The following AURKA variants were observed in gnomAD, a reference collection of about 807,000 sequenced individuals.
AURKA encodes aurora 2.
AURKA carries 12 observed loss-of-function variants against 40.9 expected under a neutral mutation model. The ratio of observed to expected loss-of-function variants is 0.29; its 90% CI spans 0.19 to 0.48. AURKA has a LOEUF of 0.48. AURKA is among the 20% of genes least tolerant of loss of function. The probability of loss-of-function intolerance (pLI) is 0.99; values close to 1 mark genes in which losing one functional copy is unlikely to be tolerated. For missense variants in AURKA, 322 were observed against 462.1 expected, an observed-to-expected ratio of 0.70 and a Z score of 2.78; for synonymous variants, 170 against 164.3, an observed-to-expected ratio of 1.03 and a Z score of -0.26.
Position 56,373,601 on chromosome 20 carries a change from C to T in AURKA, c.706-45G>A. The T allele has an allele frequency of 1.3e-6, 2 of 1,597,756 alleles. No homozygotes were observed. The highest frequency in any genetic ancestry group is 1.7e-6 in the Non-Finnish European group (2 of 1,165,582). ...AGCCTATGTTTTAGATTTTATATAA[C>T]ACAAGTTAATATTAGACATCTCTTC... On this transcript the variant is annotated intron_variant, in intron 6 of 8. Transcript: ENST00000395915. The surrounding 1 kb of genome is among the most constrained non-coding windows in gnomAD (Gnocchi z 5.0).
chr20:56,386,492 A>G lies in AURKA; in HGVS notation c.84T>C (p.Thr28=). The change falls in exon 3 of 9, where the codon ACT becomes ACC. Residue 28 remains threonine (T), a synonymous_variant. Transcript: ENST00000395915. ...PVGGPKRVLV[T]QQFPCQNPLP... is the part of the protein sequence containing the mutation. ...ATGGATTCTGACAAGGAAATTGCTG[A>G]GTCACGAGAACACGTTTTGGACCTC... 6.2e-7 allele frequency: 1 copy of G among 1,614,234 alleles called. No individual in the cohort carries two copies. Among genetic ancestry groups the G allele is most frequent in the Non-Finnish European group, 8.5e-7 (1 of 1,180,030 alleles).
chr20:56,390,851 T>C (rs1390079272), intron 1 of AURKA, among the ~76,000 whole-genome samples: 1 of 152,214 alleles, frequency 6.6e-6, no homozygotes, highest in African/African-American at 2.4e-5. Context: ...CATGCTCTAA[T>C]GCTTTACTTC....
In AURKA at chr20:56,387,678, TC is replaced by T. The variant is rs1382619609; in HGVS notation, c.42+477del. 1.3e-5 allele frequency among the ~76,000 whole-genome samples: 2 copies of T among 152,108 alleles called. 1 individual carries two copies. The highest frequency in any genetic ancestry group is 2.9e-5 in the Non-Finnish European group (2 of 68,022). On this transcript the variant is annotated intron_variant, in intron 2 of 8. Coordinates refer to ENST00000395915, the MANE Select transcript of AURKA (RefSeq NM_198437.3). ...TCTACAAAGAGAGGGTGTTAAGACT[TC>T]CAAATACAAAGTCAGTTACTCCTGA...
chr20:56,375,168 A>G (rs1385937304), intron 6 of AURKA, among the ~76,000 whole-genome samples: 3 of 152,188 alleles, frequency 2.0e-5, no homozygotes, highest in African/African-American at 7.2e-5. Context: ...TCTGTCACCC[A>G]GCCTGGATTG....
Position 56,392,171 on chromosome 20 carries a change from C to A in AURKA, c.-9G>T, listed in dbSNP as rs745582715. 1 of 152,332 alleles carries A rather than the reference C, an allele frequency of 6.6e-6. No homozygotes were observed. The highest frequency in any genetic ancestry group is 1.5e-5 in the Non-Finnish European group (1 of 68,104). 9.4% of individuals were successfully genotyped at this position (152,332 alleles called of 1,614,324 possible). A position where few individuals can be genotyped will look rare whatever the true frequency, so the allele number is the denominator to read the frequency against. On this transcript the variant is annotated 5_prime_UTR_variant, in exon 1 of 9. Transcript: ENST00000395915. ...CTACCCACCCGTCGGCTCCCACCTG[C>A]GACCCAAGGACCCAAGTCTTCCAAG... is the stretch of plus-strand genomic sequence containing the variant.
At chr20:56,383,283 AC>A (rs1201082178) in intron 4 of AURKA, 107 bp from the exon 5 acceptor site, 1 of 1,177,500 alleles carries the variant, frequency 8.5e-7, no homozygotes, top group Non-Finnish European at 1.2e-6. Context: ...TTCCAACTTC[AC>A]TCAATATGCA....
chr20:56,386,658 G>A, intron 2 of AURKA, 125 bp from the exon 3 acceptor site: 1 of 1,086,288 alleles, frequency 9.2e-7, no homozygotes, highest in Admixed American at 2.1e-5. Context: ...AGAGATGGAA[G>A]GTGAAAAGGT....
intron 1 of AURKA, among the ~76,000 whole-genome samples, chr20:56,390,342 T>A (rs924881738): frequency 7.9e-5 from 12 of 151,998 alleles, no homozygotes; most frequent in African/African-American, 2.9e-4. Context: ...AGTTTGCTCT[T>A]GTTGCCCAGG....
intron 2 of AURKA, among the ~76,000 whole-genome samples, chr20:56,387,419 T>G (rs1986506848): frequency 6.6e-6 from 1 of 152,238 alleles, no homozygotes; most frequent in Non-Finnish European, 1.5e-5. Context: ...CCCAAAGTGC[T>G]GGGATTACAG....
chr20:56,386,431 A>G lies in AURKA; in HGVS notation c.145T>C (p.Cys49Arg), dbSNP rs781474634. Residue 49 changes from cysteine to arginine, a missense_variant, in exon 3 of 9, where the codon TGT becomes CGT. Transcript: ENST00000395915. ...ATGCGCTGGGAAGAATTTGAAGGAC[A>G]CAAGACCCGCTGAGCCTGGCCACTA... ...VNSGQAQRVL[C>R]PSNSSQRIPL... 1 of 1,614,216 alleles carries G rather than the reference A, an allele frequency of 6.2e-7. No individual in the cohort carries two copies. Among genetic ancestry groups the G allele is most frequent in the Non-Finnish European group, 8.5e-7 (1 of 1,180,034 alleles).
chr20:56,374,341 GA>G (rs199850742), intron 6 of AURKA, among the ~76,000 whole-genome samples: 5 of 147,246 alleles, frequency 3.4e-5, no homozygotes, highest in South Asian at 2.1e-4. Flanking sequence ...TTCTTTTTTA[GA>G]AAAAAAAAAT....
chr20:56,382,993 G>C lies in AURKA; in HGVS notation c.558C>G (p.Ser186=). 6.2e-7 allele frequency: 1 copy of C among 1,613,852 alleles called. No homozygotes were observed. The highest frequency in any genetic ancestry group is 8.5e-7 in the Non-Finnish European group (1 of 1,180,026). The change falls in exon 5 of 9, where the codon TCC becomes TCG. Residue 186 remains serine, a synonymous_variant. Coordinates refer to ENST00000395915, the MANE Select transcript of AURKA (RefSeq NM_198437.3). The part of the protein sequence containing the change: ...HQLRREVEIQ[S]HLRHPNILRL... ...TGAACCTGAAAACTCACCGAAGGTG[G>C]GACTGTATTTCTACTTCTCTTCTGA...
Position 56,381,581 on chromosome 20 carries a change from A to T in AURKA, c.567-10T>A. 6.2e-7 allele frequency: 1 copy of T among 1,613,394 alleles called. No homozygotes were observed. The highest frequency in any genetic ancestry group is 8.5e-7 in the Non-Finnish European group (1 of 1,179,742). On this transcript the variant is annotated splice_polypyrimidine_tract_variant and intron_variant, in intron 5 of 8. Coordinates refer to ENST00000395915, the MANE Select transcript of AURKA (RefSeq NM_198437.3). Reference sequence around the variant, plus strand: ...AAGAATATTAGGATGCCTGCAACAAAGGATAAACATTCTAACACTTGGTTT... The same window carrying T: ...AAGAATATTAGGATGCCTGCAACAATGGATAAACATTCTAACACTTGGTTT...
In AURKA at chr20:56,383,066, T is replaced by G. The variant is rs1197614826; in HGVS notation, c.485A>C (p.Lys162Thr). ...EKQSKFILAL[K>T]VLFKAQLEKA... The stretch of plus-strand genomic sequence containing the variant: ...CTCCAGCTGAGCTTTAAATAACACT[T>G]TAAGAGCCAGAATAAACTTGCTTTG... The change falls in exon 5 of 9, where the codon AAA (lysine) becomes ACA (threonine). Residue 162 changes from lysine (K) to threonine (T), a missense_variant. Physicochemically the swap from Lys to Thr is moderately conservative, Grantham distance 78. Coordinates refer to ENST00000395915, the MANE Select transcript of AURKA (RefSeq NM_198437.3). 1 of 1,614,094 alleles carries G rather than the reference T, an allele frequency of 6.2e-7. No homozygotes were observed. The highest frequency in any genetic ancestry group is 8.5e-7 in the Non-Finnish European group (1 of 1,180,048).
At chr20:56,382,901 T>C (rs1985903451) in intron 5 of AURKA, 84 bp downstream of exon 5, 1 of 1,471,924 alleles carries the variant, frequency 6.8e-7, no homozygotes, top group African/African-American at 1.4e-5. Context: ...TGAAGGGACC[T>C]GGGCAGTGGG....
At chr20:56,384,356 G>T (rs772415143) in intron 3 of AURKA, 32 bp from the exon 4 acceptor site, 1 of 1,498,426 alleles carries the variant, frequency 6.7e-7, no homozygotes, top group East Asian at 2.3e-5. Flanking sequence ...CCTGTTTTTA[G>T]AATAACTATA....
At chr20:56,371,912 G>A (rs1277733030) in intron 7 of AURKA, among the ~76,000 whole-genome samples, 2 of 152,326 alleles carry the variant, frequency 1.3e-5, no homozygotes, top group East Asian at 1.9e-4. Flanking sequence ...CATGATGTTT[G>A]CAACGTATTT....
intron 6 of AURKA, among the ~76,000 whole-genome samples, chr20:56,378,343 T>C (rs1195844901): frequency 6.6e-6 from 1 of 152,234 alleles, no homozygotes; most frequent in African/African-American, 2.4e-5. Flanking sequence ...CTTTGGCCTT[T>C]GTCTTATAGA....
In AURKA at chr20:56,369,798, T is replaced by A. The variant is rs2146115787; in HGVS notation, c.*360A>T. On this transcript the variant is annotated 3_prime_UTR_variant, in exon 9 of 9. Coordinates refer to ENST00000395915, the MANE Select transcript of AURKA (RefSeq NM_198437.3). ...GAAGGTTATTGCACAGCTCCTTAAC[T>A]GATCGGGGTCAGGGCAGAGTGGTCA... The A allele has an allele frequency of 2.2e-6, 1 of 462,302 alleles. No individual in the cohort carries two copies. Among genetic ancestry groups the A allele is most frequent in the East Asian group, 3.9e-5 (1 of 25,898 alleles). 28.6% of individuals were successfully genotyped at this position (462,302 alleles called of 1,614,324 possible).
Sources: gnomAD v4.1 joint callset for allele counts (sites outside exome capture counted in the v4.1 genomes callset) on GRCh38, gnomAD v4.1.1 for gene constraint, Gnocchi (gnomAD v3.1) non-coding constraint, MANE v1.5 for transcripts, NCBI Gene and HGNC (gene_info 2026-07-23, HGNC 2026-07-21) for gene names.